Variants in WDR73 observed in about 807,000 individuals in gnomAD.
WDR73 encodes integrator complex assembly factor WDR73.
In WDR73, 30 loss-of-function variants were observed where a neutral mutation model predicts 38.2. The ratio of observed to expected loss-of-function variants is 0.79; its 90% CI spans 0.59 to 1.06. The LOEUF (loss-of-function observed/expected upper bound fraction) is 1.06. Among genes scored for constraint, WDR73 ranks in the 50% least tolerant of loss-of-function variants. The pLI, the probability that WDR73 is intolerant of heterozygous loss-of-function variation, is 0.00. For synonymous variants in WDR73, 197 were observed against 176.0 expected, an observed-to-expected ratio of 1.12 and a Z score of -0.94; for missense variants, 487 against 467.0, an observed-to-expected ratio of 1.04 and a Z score of -0.40.
Position 84,653,705 on chromosome 15 carries a change from CA to C in WDR73, c.42-7del. On this transcript the variant is annotated splice_region_variant and splice_polypyrimidine_tract_variant and intron_variant, in intron 1 of 7. Coordinates refer to ENST00000434634, the MANE Select transcript of WDR73 (RefSeq NM_032856.5). The stretch of plus-strand genomic sequence containing the variant: ...ATGCATAGAAATCCTGGTACCTGCA[CA>C]AAAGGGACACAGAATCACACGATGC... The C allele has an allele frequency of 6.3e-7, 1 of 1,583,626 alleles. No homozygotes were observed.
At chr15:84,647,835 T>C (rs967522465) in intron 5 of WDR73, 55 bp downstream of exon 5, 2 of 1,534,682 alleles carry the variant, frequency 1.3e-6, no homozygotes, top group Non-Finnish European at 1.8e-6. Context: ...GGGACAGGGG[T>C]GTATGAGTCA....
In WDR73 at chr15:84,646,260, G is replaced by A. The variant is rs1380138934; in HGVS notation, c.441C>T (p.Pro147=). ...PRVAVFSTLA[P]GVLHGARLRS... Reference sequence around the variant, plus strand: ...GGAGCCTCGCCCCATGGAGGACTCCGGGTGCCAATGTGGAGAAGACGGCCA... The same window carrying A: ...GGAGCCTCGCCCCATGGAGGACTCCAGGTGCCAATGTGGAGAAGACGGCCA... The change falls in exon 6 of 8, where the codon CCC becomes CCT. Residue 147 remains proline (P), a synonymous_variant. Transcript: ENST00000434634. 6 of 1,613,784 alleles carry A rather than the reference G, an allele frequency of 3.7e-6. No homozygotes were observed. Among genetic ancestry groups the A allele is most frequent in the Non-Finnish European group, 5.1e-6 (6 of 1,179,894 alleles).
Position 84,646,272 on chromosome 15 carries a change from G to A in WDR73, c.429C>T (p.Ser143=), listed in dbSNP as rs1447077207. 6.2e-7 allele frequency: 1 copy of A among 1,613,842 alleles called. No individual in the cohort carries two copies. Among genetic ancestry groups the A allele is most frequent in the Non-Finnish European group, 8.5e-7 (1 of 1,179,910 alleles). The change falls in exon 6 of 8, where the codon TCC becomes TCT. Residue 143 remains serine, a synonymous_variant. Transcript: ENST00000434634. ...ESLWPRVAVF[S]TLAPGVLHGA... is the part of the protein sequence containing the mutation. ...CATGGAGGACTCCGGGTGCCAATGT[G>A]GAGAAGACGGCCACCCTAGGCCAGA...
At chr15:84,644,313 T>C (rs1896370983) in intron 7 of WDR73, 1 of 153,474 alleles carries the variant, frequency 6.5e-6, no homozygotes, top group Admixed American at 6.5e-5. Flanking sequence ...CCCTGCACGA[T>C]CTAGCTGCAC....
chr15:84,649,047 T>C (rs1314698816), intron 3 of WDR73, among the ~76,000 whole-genome samples: 2 of 152,214 alleles, frequency 1.3e-5, no homozygotes, highest in Non-Finnish European at 2.9e-5. Context: ...TCAGGCGCAG[T>C]GTTTAGGGCT....
chr15:84,643,807 G>A, intron 7 of WDR73, 84 bp from the exon 8 acceptor site: 1 of 1,414,772 alleles, frequency 7.1e-7, no homozygotes, highest in Non-Finnish European at 9.3e-7. Flanking sequence ...AATAGAGATG[G>A]GGTTTCACCA....
Position 84,646,243 on chromosome 15 carries a change from GC to G in WDR73, c.457del (p.Ala153ArgfsTer28), listed in dbSNP as rs1372564014. The G allele has an allele frequency of 6.2e-7, 1 of 1,613,870 alleles. No homozygotes were observed. The highest frequency in any genetic ancestry group is 8.5e-7 in the Non-Finnish European group (1 of 1,179,878). ...STLAPGVLHG[A>X]RLRSLQVVDL... is the part of the protein sequence containing the mutation. The stretch of plus-strand genomic sequence containing the variant: ...AACGACCTGCAGACTTCGGAGCCTC[GC>G]CCCATGGAGGACTCCGGGTGCCAAT... On this transcript the variant is annotated frameshift_variant, in exon 6 of 8. Coordinates refer to ENST00000434634, the MANE Select transcript of WDR73 (RefSeq NM_032856.5). LOFTEE classifies it high-confidence loss of function.
At chr15:84,647,980 C>T (rs1181456532) in intron 4 of WDR73, 26 bp from the exon 5 acceptor site, 4 of 1,611,446 alleles carry the variant, frequency 2.5e-6, no homozygotes, top group Admixed American at 3.3e-5. Flanking sequence ...AAAATCAGTC[C>T]AGACCATGGG....
At position 84,642,992 on chromosome 15, in the gene WDR73, A is replaced by AGT. The variant is rs1443362134; in HGVS notation, c.*476_*477dup. On this transcript the variant is annotated 3_prime_UTR_variant, in exon 8 of 8. Transcript: ENST00000434634. ...TTGAACCTAGTCACCTGGGGGGACAAGTGTGGGAAAGTGCACCTGTGTTCC... is the reference window on the plus strand; with the variant it reads ...TTGAACCTAGTCACCTGGGGGGACAAGTGTGTGGGAAAGTGCACCTGTGTTCC... 1 of 160,020 alleles carries AGT rather than the reference A, an allele frequency of 6.2e-6. No homozygotes were observed. Among genetic ancestry groups the AGT allele is most frequent in the Non-Finnish European group, 1.4e-5 (1 of 72,756 alleles). The allele number at this position is 160,020 out of a possible 1,614,324, so 9.9% of individuals were successfully genotyped here. A position where few individuals can be genotyped will look rare whatever the true frequency, so the allele number is the denominator to read the frequency against.
intron 5 of WDR73, chr15:84,647,115 A>T (rs928275355): frequency 6.6e-6 from 1 of 152,278 alleles, no homozygotes; most frequent in African/African-American, 2.4e-5. Context: ...GGCTGGGCTC[A>T]AACTCCTGGT....
At chr15:84,648,666 A>G in intron 3 of WDR73, 41 bp from the exon 4 acceptor site, 2 of 1,495,232 alleles carry the variant, frequency 1.3e-6, no homozygotes, top group South Asian at 1.1e-5. Context: ...CAGCTCTTCA[A>G]ATGAACATTT....
At chr15:84,651,054 G>T (rs970896285) in intron 3 of WDR73, among the ~76,000 whole-genome samples, 9 of 151,990 alleles carry the variant, frequency 5.9e-5, no homozygotes, top group African/African-American at 1.9e-4. Flanking sequence ...GGCAGAGGTT[G>T]CAGTGAGCTG....
Position 84,645,795 on chromosome 15 carries a change from C to T in WDR73, c.559G>A (p.Asp187Asn). 1.2e-6 allele frequency: 2 copies of T among 1,613,676 alleles called. No homozygotes were observed. Among genetic ancestry groups the T allele is most frequent in the Non-Finnish European group, 1.7e-6 (2 of 1,179,810 alleles). Residue 187 changes from aspartate to asparagine, a missense_variant, in exon 7 of 8, where the codon GAT becomes AAT. Asp to Asn is a conservative substitution (Grantham distance 23). Coordinates refer to ENST00000434634, the MANE Select transcript of WDR73 (RefSeq NM_032856.5). Reference sequence around the variant, plus strand: ...CAGCAGAAGGCAAAGGTGTCTGCATCTAGGACCTGCAGGCTACTCAGCTCC... The same window carrying T: ...CAGCAGAAGGCAAAGGTGTCTGCATTTAGGACCTGCAGGCTACTCAGCTCC... ...SEELSSLQVL[D>N]ADTFAFCCAS...
chr15:84,643,755 G>A (rs1424715659), intron 7 of WDR73, 32 bp from the exon 8 acceptor site: 1 of 1,579,562 alleles, frequency 6.3e-7, no homozygotes, highest in East Asian at 2.3e-5. Context: ...GCTTGACAAT[G>A]AGTCCCTAAT....
Position 84,646,220 on chromosome 15 carries a change from C to G in WDR73, c.481G>C (p.Val161Leu). The change falls in exon 6 of 8, where the codon GTT becomes CTT. Residue 161 changes from valine (V) to leucine (L), a missense_variant. Val to Leu is a conservative substitution (Grantham distance 32). Transcript: ENST00000434634. ...HGARLRSLQV[V>L]DLESRKTTYT... ...GTGGTCTTCCGGGACTCCAGATCAACGACCTGCAGACTTCGGAGCCTCGCC... is the reference window on the plus strand; with the variant it reads ...GTGGTCTTCCGGGACTCCAGATCAAGGACCTGCAGACTTCGGAGCCTCGCC... 6.2e-7 allele frequency: 1 copy of G among 1,613,870 alleles called. No individual in the cohort carries two copies. Among genetic ancestry groups the G allele is most frequent in the Non-Finnish European group, 8.5e-7 (1 of 1,179,888 alleles).
intron 3 of WDR73, among the ~76,000 whole-genome samples, chr15:84,649,820 G>C (rs1216216028): frequency 6.6e-6 from 1 of 152,086 alleles, no homozygotes; most frequent in Non-Finnish European, 1.5e-5. Flanking sequence ...ATGTTGTCCA[G>C]GCTGGACTTG....
chr15:84,652,659 A>G (rs1230817002), intron 3 of WDR73, 55 bp downstream of exon 3: 35 of 1,110,868 alleles, frequency 3.2e-5, no homozygotes, highest in Non-Finnish European at 4.2e-5. Context: ...GAGCTCCACA[A>G]ATGTTTAATA....
rs778402057 is a variant in WDR73 at position 84,652,795 on chromosome 15, A to C, written c.117T>G (p.Phe39Leu). 4.6e-6 allele frequency: 7 copies of C among 1,529,760 alleles called. No homozygotes were observed. The South Asian group carries it at 8.8e-5, about 19-fold the overall frequency. 94.8% of individuals were successfully genotyped at this position (1,529,760 alleles called of 1,614,324 possible). Residue 39 changes from phenylalanine to leucine, a missense_variant, in exon 3 of 8, where the codon TTT (phenylalanine) becomes TTG (leucine). Coordinates refer to ENST00000434634, the MANE Select transcript of WDR73 (RefSeq NM_032856.5). ...TTTTCAGGCTTTCATAGCCAGCAAC[A>C]AAGACTCCTGGAAAAAGAAGCAGAG... is the stretch of plus-strand genomic sequence containing the variant. Reference protein sequence around the residue: ...VLEWIDDKGVFVAGYESLKKN... With the variant: ...VLEWIDDKGVLVAGYESLKKN...
At chr15:84,643,818 T>C in intron 7 of WDR73, 95 bp from the exon 8 acceptor site, 6 of 1,392,654 alleles carry the variant, frequency 4.3e-6, no homozygotes, top group Non-Finnish European at 4.7e-6. Context: ...GGTTTCACCA[T>C]GTTGACCAGG....
Sources: gnomAD v4.1 joint callset for allele counts (sites outside exome capture counted in the v4.1 genomes callset) on GRCh38, gnomAD v4.1.1 for gene constraint, MANE v1.5 for transcripts, NCBI Gene and HGNC (gene_info 2026-07-23, HGNC 2026-07-21) for gene names.